Variants in GALNTL5 observed in about 807,000 individuals in gnomAD.
The protein encoded by GALNTL5 is polypeptide N-acetylgalactosaminyltransferase like 5, also known as inactive polypeptide N-acetylgalactosaminyltransferase-like protein 5.
GALNTL5 carries 44 observed loss-of-function variants against 51.0 expected under a neutral mutation model. The observed-to-expected ratio is 0.86, with a 90% confidence interval of 0.68 to 1.11. The LOEUF (loss-of-function observed/expected upper bound fraction) is 1.11. Ranked by LOEUF, GALNTL5 falls within the 50% of genes least tolerant of loss-of-function variation. The probability of loss-of-function intolerance (pLI) is 0.00; values close to 1 mark genes in which losing one functional copy is unlikely to be tolerated. For missense variants in GALNTL5, 528 were observed against 531.8 expected (o/e 0.99, Z 0.07); for synonymous variants, 192 against 182.8 (o/e 1.05, Z -0.41).
At chr7:152,000,280 G>A (rs2081555148) in intron 5 of GALNTL5, among the ~76,000 whole-genome samples, 1 of 152,194 alleles carries the variant, frequency 6.6e-6, no homozygotes, top group Admixed American at 6.5e-5. Flanking sequence ...GAATGGACAG[G>A]CCTCAGCAGA....
At chr7:152,009,986 T>C (rs1042093397) in intron 7 of GALNTL5, among the ~76,000 whole-genome samples, 2 of 152,252 alleles carry the variant, frequency 1.3e-5, no homozygotes, top group African/African-American at 4.8e-5. Flanking sequence ...CAAACTGTGC[T>C]GTATGCTGAG....
At chr7:152,011,117 C>A (rs934205142) in intron 7 of GALNTL5, among the ~76,000 whole-genome samples, 2 of 152,170 alleles carry the variant, frequency 1.3e-5, no homozygotes, top group Admixed American at 1.3e-4. Context: ...ACTCTGCTCC[C>A]AACCTGTTGC....
rs768711005 is a variant in GALNTL5, at chr7:152,019,783, A to G, written c.1314A>G (p.Ala438=). The G allele has an allele frequency of 6.2e-7, 1 of 1,612,236 alleles. No homozygotes were observed. Among genetic ancestry groups the G allele is most frequent in the Admixed American group, 1.7e-5 (1 of 59,798 alleles). Residue 438 remains alanine, a synonymous_variant, in exon 9 of 9, where the codon GCA becomes GCG. Transcript: ENST00000392800. ...ATAATGTCTTCCCAGAGTTGGAGGC[A>G]TCTGTGAACAGCCTGTGAAAGGAAA... ...YLDNVFPELE[A]SVNSL is the part of the protein sequence containing the mutation.
intron 8 of GALNTL5, among the ~76,000 whole-genome samples, chr7:152,016,421 T>A (rs977615941): frequency 3.4e-5 from 5 of 148,938 alleles, no homozygotes; most frequent in African/African-American, 1.3e-4. Flanking sequence ...AAAAAAAAAA[T>A]CTTATGGGCC....
At chr7:151,960,128 T>C (rs951236675) in intron 1 of GALNTL5, 2 of 152,238 alleles carry the variant, frequency 1.3e-5, no homozygotes, top group Non-Finnish European at 2.9e-5. Context: ...CTCTGTTAAT[T>C]TGCTTTAAAT....
At chr7:151,980,488 TC>T (rs2081265244) in intron 3 of GALNTL5, among the ~76,000 whole-genome samples, 1 of 152,150 alleles carries the variant, frequency 6.6e-6, no homozygotes, top group Non-Finnish European at 1.5e-5. Context: ...TTCCGGTGCT[TC>T]CTTGGCCCTG....
chr7:151,985,638 A>G (rs542147274), intron 4 of GALNTL5: 1 of 152,552 alleles, frequency 6.6e-6, no homozygotes, highest in South Asian at 2.1e-4. Context: ...CACTTTTCCC[A>G]TAGTCCTGGT....
At chr7:151,990,575 C>A (rs1467627268) in intron 5 of GALNTL5, among the ~76,000 whole-genome samples, 1 of 292 alleles carries the variant, frequency 3.4e-3, no homozygotes, top group African/African-American at 3.8e-3. Flanking sequence ...AGCGAGACTC[C>A]ATCTCAAAAA....
chr7:151,980,978 C>G (rs932012254), intron 3 of GALNTL5, among the ~76,000 whole-genome samples: 1 of 151,918 alleles, frequency 6.6e-6, no homozygotes, highest in East Asian at 1.9e-4. Flanking sequence ...ATCTCCTGAC[C>G]TCGTGATCCG....
At chr7:152,001,544 C>T (rs1229828072) in intron 5 of GALNTL5, among the ~76,000 whole-genome samples, 3 of 152,002 alleles carry the variant, frequency 2.0e-5, no homozygotes, top group Non-Finnish European at 4.4e-5. Flanking sequence ...TTGTCTTGGC[C>T]CTTGTCAAAA....
At chr7:152,007,699 T>C (rs1336281440) in intron 6 of GALNTL5, 128 bp from the exon 7 acceptor site, 1 of 684,208 alleles carries the variant, frequency 1.5e-6, no homozygotes, top group South Asian at 1.6e-5. Flanking sequence ...ATTACAGGCA[T>C]GAGCCTCCAC....
Position 151,967,461 on chromosome 7 carries a change from G to A in GALNTL5, c.215G>A (p.Arg72Lys). 1 of 1,613,864 alleles carries A rather than the reference G, an allele frequency of 6.2e-7. No individual in the cohort carries two copies. ...QIPKPHVIVK[R>K]TDEDKAKSML... ...CCAAAACCTCATGTAATAGTCAAAA[G>A]GACTGATGAAGATAAAGCAAAGTCT... Residue 72 changes from arginine to lysine, a missense_variant, in exon 2 of 9, where the codon AGG becomes AAG. Transcript: ENST00000392800.
At chr7:151,965,969 A>T (rs924103738) in intron 1 of GALNTL5, among the ~76,000 whole-genome samples, 1 of 151,500 alleles carries the variant, frequency 6.6e-6, no homozygotes, top group Non-Finnish European at 1.5e-5. Flanking sequence ...ATTCACTATT[A>T]TATATATATA....
intron 7 of GALNTL5, among the ~76,000 whole-genome samples, chr7:152,012,611 A>T (rs1457908206): frequency 6.6e-6 from 1 of 152,206 alleles, no homozygotes; most frequent in Non-Finnish European, 1.5e-5. Flanking sequence ...ATGCATGCCT[A>T]TGTTCTCATT....
chr7:151,976,213 GATT>G (rs2081203286), intron 3 of GALNTL5, among the ~76,000 whole-genome samples: 1 of 152,130 alleles, frequency 6.6e-6, no homozygotes, highest in African/African-American at 2.4e-5. Flanking sequence ...ACTCACTTCA[GATT>G]ATTAATATTT....
rs142480508 is a variant in GALNTL5 at position 151,990,314 on chromosome 7, G to A, written c.658+3033G>A. On this transcript the variant is annotated intron_variant, in intron 5 of 8. Transcript: ENST00000392800. ...CTGCCTCGGCCTCCTGAAGTGTTGGGATTACAGGCATGAGCCATTGTGCCT... is the reference window on the plus strand; with the variant it reads ...CTGCCTCGGCCTCCTGAAGTGTTGGAATTACAGGCATGAGCCATTGTGCCT... 1.6e-3 allele frequency among the ~76,000 whole-genome samples: 242 copies of A among 152,038 alleles called. 3 individuals are homozygous for A. The highest frequency in any genetic ancestry group is 4.8e-3 in the African/African-American group (199 of 41,444).
chr7:151,980,376 A>G (rs374367927), intron 3 of GALNTL5, among the ~76,000 whole-genome samples: 1 of 152,136 alleles, frequency 6.6e-6, no homozygotes, highest in East Asian at 1.9e-4. Context: ...GAGCCATTTA[A>G]GCCTTTTAAT....
chr7:152,009,057 T>C (rs2081694511), intron 7 of GALNTL5, among the ~76,000 whole-genome samples: 1 of 152,240 alleles, frequency 6.6e-6, no homozygotes, highest in Non-Finnish European at 1.5e-5. Flanking sequence ...AATATTTCAA[T>C]GGCGCCTTTC....
At position 151,957,142 on chromosome 7, in the gene GALNTL5, G is replaced by GAA. The variant is rs71198743; in HGVS notation, c.-40+549_-40+550dup. Among the ~76,000 whole-genome samples, 9 of 100,174 alleles carry GAA rather than the reference G, an allele frequency of 9.0e-5. No homozygotes were observed. The East Asian group carries it at 9.0e-4, about 10-fold the overall frequency. 65.7% of individuals were successfully genotyped at this position (100,174 alleles called of 152,430 possible). Reference sequence around the variant, plus strand: ...ATGAAAGAGTGAGACTCTGTCTCGAGAAAAAAAAAAAAAAAAAGGAAAAAA... The same window carrying GAA: ...ATGAAAGAGTGAGACTCTGTCTCGAGAAAAAAAAAAAAAAAAAAAGGAAAAAA... On this transcript the variant is annotated intron_variant, in intron 1 of 8. Transcript: ENST00000392800.
Sources: gnomAD v4.1 joint callset for allele counts (sites outside exome capture counted in the v4.1 genomes callset) on GRCh38, gnomAD v4.1.1 for gene constraint, MANE v1.5 for transcripts, NCBI Gene and HGNC (gene_info 2026-07-23, HGNC 2026-07-21) for gene names.